Variants in DSCAM observed in about 807,000 individuals in gnomAD.
DSCAM encodes cell adhesion molecule DSCAM.
Under a neutral mutation model 217.7 loss-of-function variants are expected in DSCAM, and 47 were observed. The observed-to-expected ratio is 0.22, with a 90% confidence interval of 0.17 to 0.28. The LOEUF (loss-of-function observed/expected upper bound fraction) is 0.28. Among genes scored for constraint, DSCAM ranks in the 10% least tolerant of loss-of-function variants. The probability of loss-of-function intolerance (pLI) is 1.00; values close to 1 mark genes in which losing one functional copy is unlikely to be tolerated. For synonymous variants in DSCAM, 1,056 were observed against 1,015.3 expected (o/e 1.04, Z -0.76); for missense variants, 2,080 against 2,618.3 (o/e 0.79, Z 4.49).
chr21:40,844,576 A>G (rs574418090), intron 1 of DSCAM, among the ~76,000 whole-genome samples: 1 of 152,214 alleles, frequency 6.6e-6, no homozygotes, highest in African/African-American at 2.4e-5. Flanking sequence ...TAATACTTGC[A>G]GAACTCACTA....
chr21:40,299,371 C>T (rs1450652129), intron 9 of DSCAM, among the ~76,000 whole-genome samples: 1 of 152,004 alleles, frequency 6.6e-6, no homozygotes, highest in Non-Finnish European at 1.5e-5. Flanking sequence ...TACGTAGGTC[C>T]CTTTCATGAA....
intron 1 of DSCAM, among the ~76,000 whole-genome samples, chr21:40,709,211 G>A (rs1020944089): frequency 4.6e-5 from 7 of 152,112 alleles, no homozygotes; most frequent in African/African-American, 1.7e-4. Context: ...CTCAGTAAAG[G>A]GAAGCTGAAT....
chr21:40,718,906 G>A (rs753576639), intron 1 of DSCAM, among the ~76,000 whole-genome samples: 13 of 152,026 alleles, frequency 8.6e-5, no homozygotes, highest in Non-Finnish European at 1.3e-4. Context: ...TGTGTGGCTC[G>A]CTTGAGCCCA....
At position 40,016,454 on chromosome 21, in the gene DSCAM, GAT is replaced by G. The variant is rs2088159821; in HGVS notation, c.5687-3070_5687-3069del. 2.0e-5 allele frequency among the ~76,000 whole-genome samples: 3 copies of G among 152,340 alleles called. No homozygotes were observed. The South Asian group carries it at 6.2e-4, about 32-fold the overall frequency. ...ATGCAGCTGGGGACATTCAAGACAA[GAT>G]ATCTAGTAGGTATTTTTATCATAGA... On this transcript the variant is annotated intron_variant, in intron 32 of 32. Coordinates refer to ENST00000400454, the MANE Select transcript of DSCAM (RefSeq NM_001389.5). The surrounding 1 kb of genome is among the most constrained non-coding windows in gnomAD (Gnocchi z 4.3).
chr21:40,561,183 CCTAT>C (rs749665495), intron 3 of DSCAM, among the ~76,000 whole-genome samples: 25 of 152,294 alleles, frequency 1.6e-4, no homozygotes, highest in Non-Finnish European at 2.9e-4. Context: ...CATTTCCACA[CCTAT>C]CTAATGACCT....
intron 8 of DSCAM, among the ~76,000 whole-genome samples, chr21:40,327,568 G>C (rs1473009861): frequency 6.7e-6 from 1 of 150,298 alleles, no homozygotes; most frequent in Non-Finnish European, 1.5e-5. Context: ...CTTTGGCTGA[G>C]ACTTCCAGTG....
At chr21:40,381,074 A>AAAAAAAAAAAAAAAAAAAAAAAAC (rs1569095596) in intron 3 of DSCAM, among the ~76,000 whole-genome samples, 1 of 147,040 alleles carries the variant, frequency 6.8e-6, no homozygotes, top group African/African-American at 2.6e-5. Flanking sequence ...AAAAAAAAAA[A>AAAAAAAAAAAAAAAAAAAAAAAAC]AAAAAAAAAA....
At chr21:40,461,179 G>A (rs574294329) in intron 3 of DSCAM, among the ~76,000 whole-genome samples, 31 of 152,260 alleles carry the variant, frequency 2.0e-4, no homozygotes, top group Middle Eastern at 3.4e-3. Context: ...TACCACTTCT[G>A]CAAATAAATT....
chr21:40,566,821 A>T (rs76089008), intron 3 of DSCAM, among the ~76,000 whole-genome samples: 6,223 of 152,156 alleles, frequency 0.041, 163 homozygotes, highest in Middle Eastern at 0.13. Context: ...CTCATTGAAC[A>T]AATATGTGTT....
intron 1 of DSCAM, among the ~76,000 whole-genome samples, chr21:40,771,145 G>A (rs1014307671): frequency 2.0e-5 from 3 of 152,194 alleles, no homozygotes; most frequent in African/African-American, 7.2e-5. Flanking sequence ...TAGGCTTCAC[G>A]CAGTGGGAGA....
chr21:40,376,192 T>C (rs2074948504), intron 3 of DSCAM, among the ~76,000 whole-genome samples: 1 of 152,130 alleles, frequency 6.6e-6, no homozygotes, highest in Non-Finnish European at 1.5e-5. Context: ...ACAAGCACGA[T>C]GAAGCTTTTC....
At chr21:40,387,177 G>A (rs1366860808) in intron 3 of DSCAM, among the ~76,000 whole-genome samples, 1 of 151,790 alleles carries the variant, frequency 6.6e-6, no homozygotes, top group African/African-American at 2.4e-5. Flanking sequence ...TAAAGGAAGA[G>A]GGGGGGTGAA....
intron 3 of DSCAM, among the ~76,000 whole-genome samples, chr21:40,591,176 C>G (rs1340626111): frequency 6.6e-6 from 1 of 152,218 alleles, no homozygotes; most frequent in Non-Finnish European, 1.5e-5. Context: ...AGGTGCCTTA[C>G]TTCCCCTTTG....
chr21:40,243,884 G>C (rs535095611), intron 11 of DSCAM, among the ~76,000 whole-genome samples: 34 of 152,252 alleles, frequency 2.2e-4, no homozygotes, highest in African/African-American at 7.9e-4. Flanking sequence ...ATCCACACAG[G>C]CATCAGAGGG....
chr21:40,846,168 C>T (rs1023824637), intron 1 of DSCAM, among the ~76,000 whole-genome samples: 1 of 152,090 alleles, frequency 6.6e-6, no homozygotes, highest in African/African-American at 2.4e-5. Flanking sequence ...CATGAAATTA[C>T]GTGTTTGAAA....
intron 1 of DSCAM, among the ~76,000 whole-genome samples, chr21:40,764,950 G>C (rs1351232545): frequency 6.6e-6 from 1 of 151,946 alleles, no homozygotes; most frequent in African/African-American, 2.4e-5. Context: ...GGGCCTGTCA[G>C]GGGGTGGAGG....
intron 3 of DSCAM, among the ~76,000 whole-genome samples, chr21:40,473,876 G>A (rs914886764): frequency 6.6e-6 from 1 of 152,178 alleles, no homozygotes; most frequent in Non-Finnish European, 1.5e-5. Context: ...CCACCCTGCT[G>A]ATAGCTTCGT....
At chr21:40,489,588 A>G (rs1004681872) in intron 3 of DSCAM, among the ~76,000 whole-genome samples, 1 of 151,464 alleles carries the variant, frequency 6.6e-6, no homozygotes, top group African/African-American at 2.4e-5. Context: ...TCCCGGCTAA[A>G]ACGGTGAAAC....
chr21:40,230,666 A>G (rs527776735), intron 11 of DSCAM, among the ~76,000 whole-genome samples: 14 of 152,334 alleles, frequency 9.2e-5, no homozygotes, highest in African/African-American at 3.1e-4. Context: ...TTAGTTAAAA[A>G]TATTGTTCAA....
Sources: gnomAD v4.1 joint callset for allele counts (sites outside exome capture counted in the v4.1 genomes callset) on GRCh38, gnomAD v4.1.1 for gene constraint, Gnocchi (gnomAD v3.1) non-coding constraint, MANE v1.5 for transcripts, NCBI Gene and HGNC (gene_info 2026-07-23, HGNC 2026-07-21) for gene names.